MCU: variants seen among roughly 807,000 people sequenced by gnomAD.
The protein encoded by MCU is calcium uniporter protein, mitochondrial.
Under a neutral mutation model 45.2 loss-of-function variants are expected in MCU, and 12 were observed. The observed-to-expected ratio is 0.27, with a 90% CI of 0.17 to 0.43. MCU has a LOEUF of 0.43. Among genes scored for constraint, MCU ranks in the 20% least tolerant of loss-of-function variants. The pLI is 1.00. For missense variants in MCU, 324 were observed against 436.7 expected, an observed-to-expected ratio of 0.74 and a Z score of 2.30; for synonymous variants, 160 against 165.1, an observed-to-expected ratio of 0.97 and a Z score of 0.24.
In MCU at chr10:72,776,110, G is replaced by A. The variant is rs1453589597; in HGVS notation, c.151-58249G>A. Among the ~76,000 whole-genome samples the A allele has an allele frequency of 7.9e-5, 12 of 151,972 alleles. No individual in the cohort carries two copies. In the South Asian group the frequency reaches 2.1e-3, roughly 26 times the overall value. ...TTGAGCCCAGGAGTTTGAAGCTGCA[G>A]TGAGCTATCATTGCACTACTGCACT... On this transcript the variant is annotated intron_variant, in intron 1 of 7. Coordinates refer to ENST00000373053, the MANE Select transcript of MCU (RefSeq NM_138357.3).
chr10:72,867,288 A>G (rs1460759764), intron 4 of MCU, among the ~76,000 whole-genome samples: 5 of 152,102 alleles, frequency 3.3e-5, no homozygotes, highest in Non-Finnish European at 5.9e-5. Flanking sequence ...ATAAGAATCT[A>G]AAAGAAAATT....
chr10:72,811,523 G>A (rs900455103), intron 1 of MCU, among the ~76,000 whole-genome samples: 3 of 152,108 alleles, frequency 2.0e-5, no homozygotes, highest in Non-Finnish European at 4.4e-5. Flanking sequence ...CTTACAATTG[G>A]ATTTTCTTTT....
chr10:72,714,790 C>G (rs191254552), intron 1 of MCU, among the ~76,000 whole-genome samples: 2 of 152,248 alleles, frequency 1.3e-5, no homozygotes, highest in African/African-American at 2.4e-5. Flanking sequence ...GTGATCTGCC[C>G]CCCCCTTGGC....
Position 72,744,513 on chromosome 10 carries a change from C to T in MCU, c.150+52212C>T, listed in dbSNP as rs147059805. Among the ~76,000 whole-genome samples the T allele has an allele frequency of 1.8e-4, 27 of 152,248 alleles. No individual in the cohort carries two copies. The East Asian group carries it at 4.4e-3, about 25-fold the overall frequency. ...CTTAAATTGGCACACAGCTGTAGTC[C>T]CAGCTACTCGGGAGGCTGGGGCAGG... is the stretch of plus-strand genomic sequence containing the variant. On this transcript the variant is annotated intron_variant, in intron 1 of 7. Transcript: ENST00000373053.
chr10:72,834,480 T>C (rs779085104), intron 2 of MCU, 52 bp downstream of exon 2: 1 of 1,488,166 alleles, frequency 6.7e-7, no homozygotes, highest in Non-Finnish European at 9.3e-7. Context: ...CCTTCTTAGC[T>C]CAGTGTTTCC....
At chr10:72,838,568 C>G (rs1463841714) in intron 2 of MCU, among the ~76,000 whole-genome samples, 1 of 152,060 alleles carries the variant, frequency 6.6e-6, no homozygotes, top group East Asian at 1.9e-4. Flanking sequence ...GGTGGGAAGT[C>G]AAGGCGACAG....
At chr10:72,803,471 C>T (rs1206692612) in intron 1 of MCU, among the ~76,000 whole-genome samples, 1 of 151,782 alleles carries the variant, frequency 6.6e-6, no homozygotes, top group African/African-American at 2.4e-5. Context: ...GCAGTAGTGT[C>T]CTCTGCTATT....
chr10:72,693,778 T>G (rs1176837392), intron 1 of MCU, among the ~76,000 whole-genome samples: 1 of 152,246 alleles, frequency 6.6e-6, no homozygotes, highest in Non-Finnish European at 1.5e-5. Context: ...AGCCTCTAGT[T>G]ATGTGTTTTG....
intron 6 of MCU, among the ~76,000 whole-genome samples, chr10:72,875,087 A>C (rs1397095498): frequency 2.0e-5 from 3 of 152,184 alleles, no homozygotes; most frequent in African/African-American, 7.2e-5. Flanking sequence ...AGTCTCCAAG[A>C]GGATAAGTAA....
At chr10:72,845,586 C>T (rs910196317) in intron 2 of MCU, among the ~76,000 whole-genome samples, 1 of 152,110 alleles carries the variant, frequency 6.6e-6, no homozygotes, top group Non-Finnish European at 1.5e-5. Context: ...CAGTATTCAG[C>T]ACAGTAACAT....
intron 1 of MCU, among the ~76,000 whole-genome samples, chr10:72,754,696 TCAGGTCATC>T (rs1278483295): frequency 6.6e-6 from 1 of 152,132 alleles, no homozygotes; most frequent in Non-Finnish European, 1.5e-5. Flanking sequence ...AGTCCTGACC[TCAGGTCATC>T]CACCTGTCTT....
intron 1 of MCU, among the ~76,000 whole-genome samples, chr10:72,731,368 G>T (rs1246189669): frequency 6.6e-6 from 1 of 152,172 alleles, no homozygotes; most frequent in Non-Finnish European, 1.5e-5. Context: ...AGTGCCCAAG[G>T]AATGGATATT....
intron 6 of MCU, among the ~76,000 whole-genome samples, chr10:72,882,642 C>T (rs977937129): frequency 1.3e-5 from 2 of 152,160 alleles, no homozygotes; most frequent in Non-Finnish European, 2.9e-5. Flanking sequence ...AACCCTGTCT[C>T]CTGATAAGAT....
intron 1 of MCU, among the ~76,000 whole-genome samples, chr10:72,792,844 T>C (rs1844184326): frequency 6.6e-6 from 1 of 151,962 alleles, no homozygotes; most frequent in East Asian, 1.9e-4. Context: ...TAGTGCCCAG[T>C]GGACATTAGT....
chr10:72,813,450 CT>C (rs71021537), intron 1 of MCU, among the ~76,000 whole-genome samples: 5,004 of 75,912 alleles, frequency 0.066, 152 homozygotes, highest in African/African-American at 0.27. Flanking sequence ...CCAGCTCTCT[CT>C]TTTTTTTTTT....
chr10:72,877,700 T>C (rs1026755329), intron 6 of MCU, among the ~76,000 whole-genome samples: 3 of 152,154 alleles, frequency 2.0e-5, no homozygotes, highest in Non-Finnish European at 2.9e-5. Flanking sequence ...CCCAGGAAGA[T>C]GAGACTAGTA....
At chr10:72,772,254 C>T (rs2132738264) in intron 1 of MCU, among the ~76,000 whole-genome samples, 1 of 152,350 alleles carries the variant, frequency 6.6e-6, no homozygotes, top group Non-Finnish European at 1.5e-5. Context: ...CCCATGGGCA[C>T]AAACTCCTAG....
At chr10:72,874,860 G>C (rs1313737089) in intron 6 of MCU, among the ~76,000 whole-genome samples, 1 of 152,144 alleles carries the variant, frequency 6.6e-6, no homozygotes, top group African/African-American at 2.4e-5. Context: ...GTATTTCCTT[G>C]TGGACTTTCC....
At chr10:72,884,240 A>G (rs1469421139) in intron 6 of MCU, 26 bp from the exon 7 acceptor site, 2 of 1,356,566 alleles carry the variant, frequency 1.5e-6, no homozygotes, top group Non-Finnish European at 2.1e-6. Context: ...CTAAGGACTG[A>G]TAATTCCGTT....
Sources: allele counts gnomAD v4.1 joint callset (sites outside exome capture counted in the v4.1 genomes callset), GRCh38; gene constraint gnomAD v4.1.1; transcripts MANE v1.5; gene names NCBI Gene and HGNC (gene_info 2026-07-23, HGNC 2026-07-21).